Variants in DPP6 observed in about 807,000 individuals in gnomAD.
DPP6 encodes dipeptidyl peptidase like 6, also known as A-type potassium channel modulatory protein DPP6.
A neutral mutation model predicts 122.6 loss-of-function variants in DPP6; 69 were observed. That is an observed-to-expected ratio of 0.56 (90% CI 0.46 to 0.69). The LOEUF (loss-of-function observed/expected upper bound fraction) is 0.69. Ranked by LOEUF, DPP6 falls within the 30% of genes least tolerant of loss-of-function variation. DPP6 has a pLI of 0.00. For missense variants in DPP6, 928 were observed against 1,116.9 expected, an observed-to-expected ratio of 0.83 and a Z score of 2.41; for synonymous variants, 418 against 433.1, an observed-to-expected ratio of 0.97 and a Z score of 0.43.
At chr7:154,609,561 T>G (rs1833780377) in intron 5 of DPP6, among the ~76,000 whole-genome samples, 1 of 152,244 alleles carries the variant, frequency 6.6e-6, no homozygotes, top group Non-Finnish European at 1.5e-5. Flanking sequence ...TAGATCACTC[T>G]GTCTCTCTCA....
chr7:154,649,061 G>C (rs1836699294), intron 6 of DPP6, among the ~76,000 whole-genome samples: 1 of 152,136 alleles, frequency 6.6e-6, no homozygotes, highest in Non-Finnish European at 1.5e-5. Context: ...CCTCCACCCA[G>C]GCGAGCGCTG....
intron 1 of DPP6, among the ~76,000 whole-genome samples, chr7:153,891,680 C>G (rs963491486): frequency 2.2e-4 from 34 of 152,288 alleles, no homozygotes; most frequent in African/African-American, 7.0e-4. Flanking sequence ...TTCCCCTACT[C>G]TGTCCATATG....
At chr7:154,146,500 C>T (rs1162362115) in intron 1 of DPP6, among the ~76,000 whole-genome samples, 5 of 152,140 alleles carry the variant, frequency 3.3e-5, no homozygotes, top group Admixed American at 2.0e-4. Flanking sequence ...AACCAACCCT[C>T]GCTGATTCTT....
intron 3 of DPP6, among the ~76,000 whole-genome samples, chr7:154,487,574 G>A (rs1439585223): frequency 1.3e-5 from 2 of 152,202 alleles, no homozygotes; most frequent in Non-Finnish European, 2.9e-5. Flanking sequence ...GAGTCTGAGA[G>A]CTCAGGTGAA....
intron 1 of DPP6, among the ~76,000 whole-genome samples, chr7:154,379,588 GCTCC>G (rs1813419362): frequency 6.6e-6 from 1 of 152,122 alleles, no homozygotes; most frequent in African/African-American, 2.4e-5. Context: ...ACAGAAGAAT[GCTCC>G]CTAATAAATA....
intron 17 of DPP6, among the ~76,000 whole-genome samples, chr7:154,857,956 C>T (rs1802980858): frequency 6.6e-6 from 1 of 152,170 alleles, no homozygotes; most frequent in South Asian, 2.1e-4. Context: ...CTGCAGATGC[C>T]TGTTTCATCC....
intron 1 of DPP6, among the ~76,000 whole-genome samples, chr7:153,996,237 C>T (rs1312524856): frequency 1.3e-5 from 2 of 152,056 alleles, no homozygotes; most frequent in Admixed American, 6.6e-5. Context: ...TTTTATTTCA[C>T]GTAGTATTGG....
At chr7:154,859,786 A>C (rs1344525657) in intron 17 of DPP6, among the ~76,000 whole-genome samples, 1 of 152,228 alleles carries the variant, frequency 6.6e-6, no homozygotes, top group East Asian at 1.9e-4. Flanking sequence ...TAGTGAATAC[A>C]TTGCGGGCTT....
At chr7:154,157,661 C>T (rs55996761) in intron 1 of DPP6, among the ~76,000 whole-genome samples, 4 of 152,262 alleles carry the variant, frequency 2.6e-5, no homozygotes, top group Non-Finnish European at 5.9e-5. Flanking sequence ...GGGCTGGGTA[C>T]GGTGGCTCAT....
At chr7:154,220,297 A>G (rs1800230981) in intron 1 of DPP6, among the ~76,000 whole-genome samples, 1 of 152,184 alleles carries the variant, frequency 6.6e-6, no homozygotes, top group South Asian at 2.1e-4. Flanking sequence ...GGACACAGTA[A>G]GAAAACACCT....
intron 1 of DPP6, among the ~76,000 whole-genome samples, chr7:154,180,207 G>T (rs1399576597): frequency 6.6e-6 from 1 of 151,844 alleles, no homozygotes; most frequent in East Asian, 1.9e-4. Flanking sequence ...AATTAGCCAG[G>T]CATGGTAGTG....
the DPP6 span, among the ~76,000 whole-genome samples, chr7:153,849,663 G>GGGTTTT: frequency 3.2e-3 from 481 of 152,196 alleles, 1 homozygote; most frequent in African/African-American, 0.011. Context: ...TTTCAAGGCT[G>GGGTTTT]GGTTTTTAAG....
intron 8 of DPP6, among the ~76,000 whole-genome samples, chr7:154,728,785 T>C (rs1842194045): frequency 1.3e-5 from 2 of 152,228 alleles, no homozygotes; most frequent in African/African-American, 4.8e-5. Flanking sequence ...TGTCTTCTTA[T>C]GTCCTCACCT....
chr7:154,242,784 T>G (rs1801708658), intron 1 of DPP6, among the ~76,000 whole-genome samples: 1 of 152,192 alleles, frequency 6.6e-6, no homozygotes. Flanking sequence ...CCAGAAGTCT[T>G]GATGAAGACT....
intron 1 of DPP6, among the ~76,000 whole-genome samples, chr7:154,041,605 G>C (rs977975459): frequency 6.6e-6 from 1 of 152,324 alleles, no homozygotes; most frequent in South Asian, 2.1e-4. Context: ...GCTTTTGGCT[G>C]TGAAACAATT....
intron 16 of DPP6, among the ~76,000 whole-genome samples, chr7:154,817,431 A>T (rs1799488432): frequency 6.6e-6 from 1 of 152,204 alleles, no homozygotes; most frequent in Non-Finnish European, 1.5e-5. Flanking sequence ...ATTATGAGTG[A>T]TTGATATATG....
At chr7:153,817,558 A>G in the DPP6 span, among the ~76,000 whole-genome samples, 1 of 151,914 alleles carries the variant, frequency 6.6e-6, no homozygotes, top group Non-Finnish European at 1.5e-5. Context: ...ACGCTAGTTC[A>G]TCCACATATG....
intron 10 of DPP6, among the ~76,000 whole-genome samples, chr7:154,773,964 G>C: frequency 1.3e-5 from 2 of 152,242 alleles, no homozygotes; most frequent in Middle Eastern, 6.8e-3. Context: ...ACAGAAGCCC[G>C]AGGCCTCTGC....
intron 5 of DPP6, chr7:154,587,961 A>T: frequency 6.2e-7 from 1 of 1,612,930 alleles, no homozygotes; most frequent in South Asian, 1.1e-5. Context: ...ATGCACCTGC[A>T]GCCCTCAGGC....
Sources: allele counts gnomAD v4.1 joint callset (sites outside exome capture counted in the v4.1 genomes callset), GRCh38; gene constraint gnomAD v4.1.1; transcripts MANE v1.5; gene names NCBI Gene and HGNC (gene_info 2026-07-23, HGNC 2026-07-21).